The following MGAT5B variants were observed in gnomAD, a reference collection of about 807,000 sequenced individuals.
The protein encoded by MGAT5B is alpha-1,6-mannosylglycoprotein 6-beta-N-acetylglucosaminyltransferase B.
MGAT5B carries 54 observed loss-of-function variants against 95.1 expected under a neutral mutation model. The observed-to-expected ratio is 0.57, with a 90% CI of 0.46 to 0.71. The LOEUF is 0.71. Ranked by LOEUF, MGAT5B falls within the 30% of genes least tolerant of loss-of-function variation. The pLI is 0.00. For missense variants in MGAT5B, 935 were observed against 1,088.6 expected (o/e 0.86, Z 1.99); for synonymous variants, 464 against 451.0 (o/e 1.03, Z -0.36).
Position 76,907,362 on chromosome 17 carries a change from A to G in MGAT5B, c.1025+1175A>G, listed in dbSNP as rs1425277805. 2.6e-5 allele frequency among the ~76,000 whole-genome samples: 4 copies of G among 152,252 alleles called. No individual in the cohort carries two copies. In the East Asian group the frequency reaches 5.8e-4, roughly 22 times the overall value. ...CACCGCACCCAGCCTGCTTTTGTAA[A>G]AAAAGTTTTTTGTTTTTTCTTAATA... On this transcript the variant is annotated intron_variant, in intron 8 of 17. Transcript: ENST00000569840.
chr17:76,948,962 T>A lies in MGAT5B; in HGVS notation c.*124T>A, dbSNP rs1386429429. 2.6e-6 allele frequency: 3 copies of A among 1,136,138 alleles called. No individual in the cohort carries two copies. In the African/African-American group the frequency reaches 4.7e-5, roughly 18 times the overall value. The allele number at this position is 1,136,138 out of a possible 1,614,324, so 70.4% of individuals were successfully genotyped here. ...CAACCCCCCCAGGCCGGAGCTTCCT[T>A]CCTTAGCCGGGAAGCTGGCAGAGGA... is the stretch of plus-strand genomic sequence containing the variant. On this transcript the variant is annotated 3_prime_UTR_variant, in exon 18 of 18. Coordinates refer to ENST00000569840, the MANE Select transcript of MGAT5B (RefSeq NM_001199172.2).
chr17:76,905,118 G>T lies in MGAT5B; in HGVS notation c.691-51G>T, dbSNP rs924895184. The T allele has an allele frequency of 6.4e-7, 1 of 1,557,244 alleles. No homozygotes were observed. On this transcript the variant is annotated intron_variant, in intron 6 of 17. Transcript: ENST00000569840. The surrounding 1 kb of genome is among the most constrained non-coding windows in gnomAD (Gnocchi z 4.2). ...CCCTGTCCCCAGGCCAGCGGGGAATGATGGTGGCCGCAGGTTGAGGGGCAG... is the reference window on the plus strand; with the variant it reads ...CCCTGTCCCCAGGCCAGCGGGGAATTATGGTGGCCGCAGGTTGAGGGGCAG...
Position 76,915,367 on chromosome 17 carries a change from C to A in MGAT5B, c.1025+9180C>A, listed in dbSNP as rs1413402921. Among the ~76,000 whole-genome samples, 3 of 152,062 alleles carry A rather than the reference C, an allele frequency of 2.0e-5. No individual in the cohort carries two copies. Among genetic ancestry groups the A allele is most frequent in the African/African-American group, 7.2e-5 (3 of 41,392 alleles). On this transcript the variant is annotated intron_variant, in intron 8 of 17. Transcript: ENST00000569840. The surrounding 1 kb of genome is among the most constrained non-coding windows in gnomAD (Gnocchi z 8.7). ...GCTGGGGGCCGGGGATCGGGCACTC[C>A]TCTCTGACGGTTTCTATTTTATCTT...
chr17:76,905,153 G>A lies in MGAT5B; in HGVS notation c.691-16G>A. 1.2e-6 allele frequency: 2 copies of A among 1,602,430 alleles called. No individual in the cohort carries two copies. The highest frequency in any genetic ancestry group is 1.7e-6 in the Non-Finnish European group (2 of 1,171,230). On this transcript the variant is annotated splice_polypyrimidine_tract_variant and intron_variant, in intron 6 of 17. Transcript: ENST00000569840. This position sits in a 1 kb window ranked among gnomAD's most constrained non-coding sequence, Gnocchi z 4.2. ...GCAGGTTGAGGGGCAGAGAGCTGAG[G>A]TCTGGACCCCTCCAGGCAGTTTTCC...
At chr17:76,927,082 G>A (rs1300474460) in intron 10 of MGAT5B, among the ~76,000 whole-genome samples, 1 of 152,154 alleles carries the variant, frequency 6.6e-6, no homozygotes, top group Admixed American at 6.5e-5. Flanking sequence ...AGAGTAAGCT[G>A]GAGAACTTCC....
rs182811306 is a variant in MGAT5B at position 76,874,154 on chromosome 17, A to G, written c.181+1191A>G. ...GTCTCTGACTTGCAGAGATTCCTCA[A>G]TCTCTGAGCCTCCAAATTTTCCTCT... On this transcript the variant is annotated intron_variant, in intron 2 of 17. Coordinates refer to ENST00000569840, the MANE Select transcript of MGAT5B (RefSeq NM_001199172.2). Among the ~76,000 whole-genome samples, 6 of 152,286 alleles carry G rather than the reference A, an allele frequency of 3.9e-5. No homozygotes were observed. The East Asian group carries it at 1.2e-3, about 29-fold the overall frequency.
chr17:76,942,978 C>T (rs920852), intron 15 of MGAT5B, among the ~76,000 whole-genome samples: 32,580 of 152,076 alleles, frequency 0.21, 3,795 homozygotes, highest in Middle Eastern at 0.3. Flanking sequence ...TTGGCCCAAC[C>T]TCCAAGACAC....
intron 3 of MGAT5B, among the ~76,000 whole-genome samples, chr17:76,894,452 G>A (rs1456722186): frequency 6.6e-6 from 1 of 152,212 alleles, no homozygotes; most frequent in East Asian, 1.9e-4. Context: ...CCTGTTGGCT[G>A]TGTAACTGTC....
At chr17:76,892,132 C>A (rs1258113296) in intron 3 of MGAT5B, among the ~76,000 whole-genome samples, 1 of 152,174 alleles carries the variant, frequency 6.6e-6, no homozygotes, top group Middle Eastern at 3.2e-3. Flanking sequence ...CTGAAGATCT[C>A]AACCTTCTGG....
intron 3 of MGAT5B, among the ~76,000 whole-genome samples, chr17:76,883,292 G>A (rs1336671338): frequency 1.3e-5 from 2 of 152,084 alleles, no homozygotes; most frequent in African/African-American, 2.4e-5. Flanking sequence ...GAGCCACCCC[G>A]CCTTTTTTAA....
At chr17:76,874,551 A>C (rs1967118471) in intron 2 of MGAT5B, among the ~76,000 whole-genome samples, 1 of 152,210 alleles carries the variant, frequency 6.6e-6, no homozygotes, top group Admixed American at 6.5e-5. Context: ...AGGTGTGCCT[A>C]TCTGGGTGGG....
intron 3 of MGAT5B, among the ~76,000 whole-genome samples, chr17:76,890,624 C>T (rs1205995095): frequency 1.3e-5 from 2 of 152,112 alleles, no homozygotes; most frequent in African/African-American, 4.8e-5. Flanking sequence ...CTGCCCTAGC[C>T]TCCTGAGTAG....
intron 8 of MGAT5B, among the ~76,000 whole-genome samples, chr17:76,907,726 T>C (rs1050586727): frequency 6.6e-6 from 1 of 152,256 alleles, no homozygotes; most frequent in Non-Finnish European, 1.5e-5. Context: ...TAGACTTAGA[T>C]GCAGAATTGT....
chr17:76,944,625 G>T (rs533182912), intron 15 of MGAT5B, among the ~76,000 whole-genome samples: 1 of 152,316 alleles, frequency 6.6e-6, no homozygotes, highest in East Asian at 1.9e-4. Context: ...GGGACCTGCA[G>T]ATTCTCCGGG....
At chr17:76,880,878 G>C (rs1177372675) in intron 2 of MGAT5B, among the ~76,000 whole-genome samples, 1 of 152,128 alleles carries the variant, frequency 6.6e-6, no homozygotes, top group African/African-American at 2.4e-5. Context: ...ATTAGCTCCC[G>C]GTTAAACTAC....
In MGAT5B at chr17:76,905,909, G is replaced by A; in HGVS notation, c.856-109G>A. The stretch of plus-strand genomic sequence containing the variant: ...GCCGGAAAGCACCTGCTGGGGCCCA[G>A]CCTGGAGACAGGGTCTGCTGCCGGC... On this transcript the variant is annotated intron_variant, in intron 7 of 17. Coordinates refer to ENST00000569840, the MANE Select transcript of MGAT5B (RefSeq NM_001199172.2). The surrounding 1 kb of genome is among the most constrained non-coding windows in gnomAD (Gnocchi z 4.2). 7.9e-7 allele frequency: 1 copy of A among 1,272,278 alleles called. No homozygotes were observed. 78.8% of individuals were successfully genotyped at this position (1,272,278 alleles called of 1,614,324 possible). A position where few individuals can be genotyped will look rare whatever the true frequency, so the allele number is the denominator to read the frequency against.
chr17:76,908,275 CT>C (rs5822149), intron 8 of MGAT5B, among the ~76,000 whole-genome samples: 47,416 of 102,106 alleles, frequency 0.46, 9,321 homozygotes, highest in East Asian at 0.86. Flanking sequence ...TTTCTTTCTT[CT>C]TTTTTTTTTT....
chr17:76,871,858 C>T (rs538470534), intron 1 of MGAT5B, among the ~76,000 whole-genome samples: 10 of 152,356 alleles, frequency 6.6e-5, no homozygotes, highest in African/African-American at 2.4e-4. Flanking sequence ...AGCCCCAAGG[C>T]TGTGCTGGTG....
chr17:76,927,045 G>T (rs1028381505), intron 10 of MGAT5B, among the ~76,000 whole-genome samples: 1 of 152,184 alleles, frequency 6.6e-6, no homozygotes, highest in African/African-American at 2.4e-5. Context: ...GGGGGACTCC[G>T]CGGCCTTCCA....
Sources: gnomAD v4.1 joint callset for allele counts (sites outside exome capture counted in the v4.1 genomes callset) on GRCh38, gnomAD v4.1.1 for gene constraint, Gnocchi (gnomAD v3.1) non-coding constraint, MANE v1.5 for transcripts, NCBI Gene and HGNC (gene_info 2026-07-23, HGNC 2026-07-21) for gene names.